Variants in ASIC2 observed in about 807,000 individuals in gnomAD.
The protein encoded by ASIC2 is acid-sensing ion channel 2.
ASIC2 carries 25 observed loss-of-function variants against 57.3 expected under a neutral mutation model. The observed-to-expected ratio is 0.44, with a 90% CI of 0.32 to 0.61. ASIC2 has a LOEUF of 0.61. ASIC2 is among the 20% of genes least tolerant of loss of function. The pLI is 0.06. For synonymous variants in ASIC2, 319 were observed against 307.5 expected (o/e 1.04, Z -0.39); for missense variants, 641 against 738.1 (o/e 0.87, Z 1.52).
At chr17:33,120,524 C>T (rs1000599603) in intron 1 of ASIC2, among the ~76,000 whole-genome samples, 6 of 152,304 alleles carry the variant, frequency 3.9e-5, no homozygotes, top group African/African-American at 1.2e-4. Context: ...GCACTGCAGT[C>T]GTTCACCTGG....
At chr17:34,051,232 C>T (rs1908543373) in intron 1 of ASIC2, among the ~76,000 whole-genome samples, 2 of 152,180 alleles carry the variant, frequency 1.3e-5, no homozygotes, top group African/African-American at 4.8e-5. Context: ...CGTGTGACTC[C>T]TCTTTAATCC....
In ASIC2 at chr17:33,142,095, T is replaced by G. The variant is rs145907705; in HGVS notation, c.709-30028A>C. ...AAGAGCAAAGACCAGGAGTTTGTTC[T>G]CTGTTGCTTTTTCAGCACTCTGCAC... is the stretch of plus-strand genomic sequence containing the variant. On this transcript the variant is annotated intron_variant, in intron 1 of 9. Transcript: ENST00000225823. Among the ~76,000 whole-genome samples, 688 of 152,346 alleles carry G rather than the reference T, an allele frequency of 4.5e-3. 3 individuals are homozygous for G. Among genetic ancestry groups the G allele is most frequent in the South Asian group, 0.026 (124 of 4,820 alleles).
At chr17:33,837,680 C>T (rs1282949104) in intron 1 of ASIC2, among the ~76,000 whole-genome samples, 1 of 152,134 alleles carries the variant, frequency 6.6e-6, no homozygotes, top group East Asian at 1.9e-4. Context: ...GCCCTATGTG[C>T]CTTAATTCAT....
At chr17:33,240,417 C>T (rs1597646367) in intron 1 of ASIC2, among the ~76,000 whole-genome samples, 1 of 152,132 alleles carries the variant, frequency 6.6e-6, no homozygotes, top group Admixed American at 6.5e-5. Flanking sequence ...CCAGTGGCTG[C>T]CTTTTGTTGA....
chr17:33,489,051 C>A (rs1393289395), intron 1 of ASIC2, among the ~76,000 whole-genome samples: 1 of 152,122 alleles, frequency 6.6e-6, no homozygotes, highest in East Asian at 1.9e-4. Flanking sequence ...GCCCTTCCAG[C>A]CTAAGAGAAG....
chr17:33,969,299 A>G (rs1442669547), intron 1 of ASIC2, among the ~76,000 whole-genome samples: 1 of 152,216 alleles, frequency 6.6e-6, no homozygotes, highest in East Asian at 1.9e-4. Flanking sequence ...TCTGGTACAT[A>G]GCCAATGCTC....
intron 1 of ASIC2, among the ~76,000 whole-genome samples, chr17:33,715,964 C>A (rs887723429): frequency 1.3e-5 from 2 of 152,152 alleles, no homozygotes; most frequent in African/African-American, 4.8e-5. Flanking sequence ...ACAGCTTGAT[C>A]GCTTAATCCA....
intron 1 of ASIC2, among the ~76,000 whole-genome samples, chr17:33,444,390 C>T (rs960675531): frequency 2.6e-5 from 4 of 152,010 alleles, no homozygotes; most frequent in African/African-American, 4.8e-5. Flanking sequence ...AATGGAGGGG[C>T]GTAGAGTGGG....
intron 1 of ASIC2, among the ~76,000 whole-genome samples, chr17:33,983,946 GT>G (rs1451756951): frequency 6.6e-6 from 1 of 152,206 alleles, no homozygotes; most frequent in African/African-American, 2.4e-5. Context: ...GAAGCCCTCT[GT>G]TTGTGCTGGC....
At chr17:33,316,974 C>G (rs1024624297) in intron 1 of ASIC2, among the ~76,000 whole-genome samples, 3 of 152,236 alleles carry the variant, frequency 2.0e-5, no homozygotes, top group Admixed American at 6.5e-5. Flanking sequence ...TCACGCCCTG[C>G]ACATTTCTCT....
chr17:33,292,250 G>A lies in ASIC2; in HGVS notation c.-135C>T. On this transcript the variant is annotated 5_prime_UTR_variant, in exon 1 of 10. Coordinates refer to ENST00000225823, the MANE Select transcript of ASIC2 (RefSeq NM_183377.2). ...GCGCCAGGGAAGCGTGCGCCCGAAAGGAGCTCCGGTGGCGCGGCATGCCCG... is the reference window on the plus strand; with the variant it reads ...GCGCCAGGGAAGCGTGCGCCCGAAAAGAGCTCCGGTGGCGCGGCATGCCCG... The A allele has an allele frequency of 1.0e-6, 1 of 995,048 alleles. No homozygotes were observed. The highest frequency in any genetic ancestry group is 1.2e-6 in the Non-Finnish European group (1 of 837,942). 61.6% of individuals were successfully genotyped at this position (995,048 alleles called of 1,614,324 possible).
intron 1 of ASIC2, among the ~76,000 whole-genome samples, chr17:33,838,646 G>A (rs1220808068): frequency 6.6e-6 from 1 of 152,076 alleles, no homozygotes; most frequent in African/African-American, 2.4e-5. Flanking sequence ...TTTTATTTGT[G>A]TGCCTCTGTA....
At chr17:34,079,281 C>T (rs1454196888) in intron 1 of ASIC2, among the ~76,000 whole-genome samples, 1 of 152,216 alleles carries the variant, frequency 6.6e-6, no homozygotes, top group African/African-American at 2.4e-5. Context: ...CACTCCCTCC[C>T]CCCAGTATGA....
At chr17:33,864,015 T>C (rs1487207664) in intron 1 of ASIC2, among the ~76,000 whole-genome samples, 1 of 152,034 alleles carries the variant, frequency 6.6e-6, no homozygotes, top group East Asian at 1.9e-4. Flanking sequence ...GCGATTCTCC[T>C]ACCTTAGCCT....
At chr17:33,364,128 G>A (rs1908716554) in intron 1 of ASIC2, among the ~76,000 whole-genome samples, 1 of 152,120 alleles carries the variant, frequency 6.6e-6, no homozygotes, top group Non-Finnish European at 1.5e-5. Flanking sequence ...GGTCACAAGT[G>A]GAACTCATAG....
intron 1 of ASIC2, among the ~76,000 whole-genome samples, chr17:33,942,816 T>G (rs1281559381): frequency 6.6e-6 from 1 of 152,172 alleles, no homozygotes; most frequent in African/African-American, 2.4e-5. Flanking sequence ...CATCCCAGTT[T>G]TAGAAAATGT....
At chr17:33,399,327 A>C (rs974682839) in intron 1 of ASIC2, among the ~76,000 whole-genome samples, 1 of 152,190 alleles carries the variant, frequency 6.6e-6, no homozygotes, top group African/African-American at 2.4e-5. Flanking sequence ...GCCCTTAAGA[A>C]ATCAACCAGA....
intron 1 of ASIC2, among the ~76,000 whole-genome samples, chr17:33,226,601 A>G (rs1435640661): frequency 6.6e-6 from 1 of 152,188 alleles, no homozygotes; most frequent in Non-Finnish European, 1.5e-5. Flanking sequence ...GCGCAATTAT[A>G]TATAATCCAC....
chr17:33,519,871 G>T (rs1431118346), intron 1 of ASIC2, among the ~76,000 whole-genome samples: 1 of 152,184 alleles, frequency 6.6e-6, no homozygotes, highest in Non-Finnish European at 1.5e-5. Context: ...CAAAGCCTGG[G>T]TCGTGGTCAC....
Sources: allele counts gnomAD v4.1 joint callset (sites outside exome capture counted in the v4.1 genomes callset), GRCh38; gene constraint gnomAD v4.1.1; transcripts MANE v1.5; gene names NCBI Gene and HGNC (gene_info 2026-07-23, HGNC 2026-07-21).